Variants in EPB41L2 observed in about 807,000 individuals in gnomAD.
EPB41L2 encodes band 4.1-like protein 2.
In EPB41L2, 43 loss-of-function variants were observed where a neutral mutation model predicts 113.0. The ratio of observed to expected loss-of-function variants is 0.38; its 90% confidence interval spans 0.30 to 0.49. The LOEUF is 0.49. Ranked by LOEUF, EPB41L2 falls within the 20% of genes least tolerant of loss-of-function variation. The probability of loss-of-function intolerance (pLI) is 0.95; values close to 1 mark genes in which losing one functional copy is unlikely to be tolerated. For synonymous variants in EPB41L2, 442 were observed against 436.7 expected, an observed-to-expected ratio of 1.01 and a Z score of -0.15; for missense variants, 1,147 against 1,223.4, an observed-to-expected ratio of 0.94 and a Z score of 0.93.
intron 1 of EPB41L2, among the ~76,000 whole-genome samples, chr6:131,051,485 C>CAA (rs1796548311): frequency 1.4e-5 from 2 of 142,778 alleles, no homozygotes; most frequent in Admixed American, 7.0e-5. Flanking sequence ...CACACACACA[C>CAA]AACAGCAACA....
At chr6:130,944,613 T>G (rs914339119) in intron 3 of EPB41L2, among the ~76,000 whole-genome samples, 1 of 152,300 alleles carries the variant, frequency 6.6e-6, no homozygotes, top group Non-Finnish European at 1.5e-5. Context: ...AGAGCTGGAT[T>G]TGAGTTGGAA....
intron 1 of EPB41L2, among the ~76,000 whole-genome samples, chr6:130,974,500 G>A (rs1044517187): frequency 6.6e-6 from 1 of 152,042 alleles, no homozygotes; most frequent in African/African-American, 2.4e-5. Flanking sequence ...AAAAACGTTG[G>A]GAGAATTCAG....
At chr6:130,936,787 T>C (rs1397366958) in intron 3 of EPB41L2, among the ~76,000 whole-genome samples, 1 of 152,142 alleles carries the variant, frequency 6.6e-6, no homozygotes, top group Non-Finnish European at 1.5e-5. Flanking sequence ...CAAATTCAGC[T>C]ATCGATTAGT....
intron 19 of EPB41L2, among the ~76,000 whole-genome samples, chr6:130,848,195 T>TCACA (rs1196871205): frequency 1.2e-4 from 13 of 110,760 alleles, no homozygotes; most frequent in African/African-American, 5.6e-4. Flanking sequence ...TCTCTCTCTC[T>TCACA]CTCTCACACA....
In EPB41L2 at chr6:130,904,699, TA is replaced by T. The variant is rs1250902640; in HGVS notation, c.854-160del. 2.0e-5 allele frequency among the ~76,000 whole-genome samples: 3 copies of T among 151,878 alleles called. No individual in the cohort carries two copies. The East Asian group carries it at 5.8e-4, about 29-fold the overall frequency. On this transcript the variant is annotated intron_variant, in intron 5 of 19. Coordinates refer to ENST00000337057, the MANE Select transcript of EPB41L2 (RefSeq NM_001431.4). Reference sequence around the variant, plus strand: ...AATAAAATTAAAATTGTTTATAAAATAAAAATGAAATAAAAAATAAAATAGA... The same window carrying T: ...AATAAAATTAAAATTGTTTATAAAATAAAATGAAATAAAAAATAAAATAGA...
chr6:130,899,893 T>G (rs1795822401), intron 7 of EPB41L2, among the ~76,000 whole-genome samples: 1 of 152,196 alleles, frequency 6.6e-6, no homozygotes, highest in Non-Finnish European at 1.5e-5. Context: ...TACTGGAGAA[T>G]AAAAAACAGT....
At chr6:130,968,491 G>C (rs1584081624) in intron 1 of EPB41L2, among the ~76,000 whole-genome samples, 1 of 152,182 alleles carries the variant, frequency 6.6e-6, no homozygotes, top group African/African-American at 2.4e-5. Flanking sequence ...CTACTAAAGA[G>C]TTCTACCAAT....
intron 1 of EPB41L2, among the ~76,000 whole-genome samples, chr6:130,970,881 T>C (rs1776605629): frequency 6.6e-6 from 1 of 152,094 alleles, no homozygotes; most frequent in African/African-American, 2.4e-5. Flanking sequence ...CCTTGTACTT[T>C]TTAAATTTTC....
chr6:130,937,116 G>T (rs1252327240), intron 3 of EPB41L2, among the ~76,000 whole-genome samples: 1 of 152,066 alleles, frequency 6.6e-6, no homozygotes, highest in Non-Finnish European at 1.5e-5. Context: ...TGTTACAACT[G>T]GTGAACCTCC....
At chr6:130,935,286 T>C (rs1001674444) in intron 3 of EPB41L2, among the ~76,000 whole-genome samples, 1 of 152,160 alleles carries the variant, frequency 6.6e-6, no homozygotes, top group South Asian at 2.1e-4. Context: ...TTTAATAAAA[T>C]CACATAGATA....
intron 14 of EPB41L2, 63 bp from the exon 15 acceptor site, chr6:130,870,189 C>A: frequency 6.5e-7 from 1 of 1,546,156 alleles, no homozygotes; most frequent in Non-Finnish European, 8.7e-7. Context: ...ACAACGGAAA[C>A]CCAAATTAAC....
chr6:131,062,983 G>A (rs1404991725), intron 1 of EPB41L2, among the ~76,000 whole-genome samples, 172 bp downstream of exon 1: 1 of 152,034 alleles, frequency 6.6e-6, no homozygotes, highest in Non-Finnish European at 1.5e-5. Flanking sequence ...CCCAAAGCCG[G>A]GCCCCCTCTC....
rs552833477 is a variant in EPB41L2, at chr6:130,954,279, T to A, written c.705+826A>T. On this transcript the variant is annotated intron_variant, in intron 3 of 19. Coordinates refer to ENST00000337057, the MANE Select transcript of EPB41L2 (RefSeq NM_001431.4). ...CATGTTAGCCAGGATGGTCTGGATCTCCTGACCTCGTGATCCGCCCGCCTT... is the reference window on the plus strand; with the variant it reads ...CATGTTAGCCAGGATGGTCTGGATCACCTGACCTCGTGATCCGCCCGCCTT... 7.2e-5 allele frequency among the ~76,000 whole-genome samples: 11 copies of A among 152,048 alleles called. No homozygotes were observed. In the South Asian group the frequency reaches 2.3e-3, roughly 32 times the overall value.
chr6:130,883,153 G>A (rs1169100868), intron 12 of EPB41L2: 1 of 152,606 alleles, frequency 6.6e-6, no homozygotes, highest in Non-Finnish European at 1.5e-5. Context: ...GTGAAGGTGG[G>A]CACATGGAAA....
chr6:130,958,465 C>CA (rs1157839719), intron 1 of EPB41L2, among the ~76,000 whole-genome samples: 58 of 43,418 alleles, frequency 1.3e-3, no homozygotes, highest in Middle Eastern at 0.014. Context: ...ACAACAACAA[C>CA]AACAAAAAAA....
At chr6:131,034,114 G>A (rs537416245) in intron 1 of EPB41L2, among the ~76,000 whole-genome samples, 2 of 152,228 alleles carry the variant, frequency 1.3e-5, no homozygotes, top group South Asian at 4.1e-4. Flanking sequence ...AAGTCAGCAT[G>A]CCAGTTTCTG....
chr6:131,050,985 C>T (rs531190671), intron 1 of EPB41L2, among the ~76,000 whole-genome samples: 1 of 152,260 alleles, frequency 6.6e-6, no homozygotes, highest in East Asian at 1.9e-4. Context: ...AATGCTGTCA[C>T]CTCTGATACA....
chr6:131,012,306 G>T (rs571691720), intron 1 of EPB41L2, among the ~76,000 whole-genome samples: 1 of 151,128 alleles, frequency 6.6e-6, no homozygotes, highest in East Asian at 1.9e-4. Flanking sequence ...CCTGGGCCCT[G>T]TGTTAGCTAA....
chr6:130,868,321 C>T (rs1366869037), intron 15 of EPB41L2: 2 of 152,266 alleles, frequency 1.3e-5, no homozygotes, highest in Non-Finnish European at 2.9e-5. Context: ...TCTAAAATTA[C>T]TCCATCAATG....
Sources: gnomAD v4.1 joint callset for allele counts (sites outside exome capture counted in the v4.1 genomes callset) on GRCh38, gnomAD v4.1.1 for gene constraint, MANE v1.5 for transcripts, NCBI Gene and HGNC (gene_info 2026-07-23, HGNC 2026-07-21) for gene names.